BBS9: variants seen among roughly 807,000 people sequenced by gnomAD.
BBS9 encodes the protein Bardet-Biedl syndrome 9, also known as protein PTHB1.
In BBS9, 89 loss-of-function variants were observed where a neutral mutation model predicts 117.7. The observed-to-expected ratio is 0.76, with a 90% CI of 0.64 to 0.90. The LOEUF (loss-of-function observed/expected upper bound fraction) is 0.90. Among genes scored for constraint, BBS9 ranks in the 40% least tolerant of loss-of-function variants. The pLI is 0.00. For missense variants in BBS9, 982 were observed against 1,042.2 expected (o/e 0.94, Z 0.80); for synonymous variants, 379 against 370.9 (o/e 1.02, Z -0.25).
At chr7:33,254,739 G>A (rs530197757) in intron 5 of BBS9, among the ~76,000 whole-genome samples, 7 of 152,198 alleles carry the variant, frequency 4.6e-5, no homozygotes, top group East Asian at 1.9e-4. Flanking sequence ...AATATTACAC[G>A]TATGAGTGAG....
intron 21 of BBS9, among the ~76,000 whole-genome samples, chr7:33,584,414 G>A (rs774698013): frequency 2.0e-5 from 3 of 151,874 alleles, no homozygotes; most frequent in African/African-American, 7.2e-5. Context: ...TAATGCTAAC[G>A]TGAATATTTT....
intron 21 of BBS9, among the ~76,000 whole-genome samples, chr7:33,570,173 A>C (rs949521138): frequency 6.6e-6 from 1 of 152,162 alleles, no homozygotes; most frequent in Non-Finnish European, 1.5e-5. Context: ...AAAATTAAAT[A>C]CTTTAAAAAA....
At chr7:33,292,936 G>A (rs1804372734) in intron 9 of BBS9, among the ~76,000 whole-genome samples, 1 of 151,532 alleles carries the variant, frequency 6.6e-6, no homozygotes, top group Admixed American at 6.6e-5. Context: ...AACCTGGGCG[G>A]CAGAGGTTGC....
At chr7:33,401,776 G>T (rs1440440318) in intron 19 of BBS9, among the ~76,000 whole-genome samples, 1 of 152,134 alleles carries the variant, frequency 6.6e-6, no homozygotes, top group African/African-American at 2.4e-5. Flanking sequence ...ATTCCCAGTT[G>T]ATTCTGTCTA....
intron 5 of BBS9, among the ~76,000 whole-genome samples, chr7:33,224,095 T>A (rs1199219734): frequency 6.6e-6 from 1 of 152,218 alleles, no homozygotes; most frequent in East Asian, 1.9e-4. Context: ...TTTGTATTTT[T>A]AAAATTCTGA....
chr7:33,630,136 T>A (rs1338288751), intron 21 of BBS9, among the ~76,000 whole-genome samples: 1 of 152,186 alleles, frequency 6.6e-6, no homozygotes, highest in East Asian at 1.9e-4. Context: ...TAATTACGTC[T>A]AAAAATCCCT....
At chr7:33,336,700 T>C in intron 10 of BBS9, 78 bp downstream of exon 10, 1 of 1,078,184 alleles carries the variant, frequency 9.3e-7, no homozygotes, top group South Asian at 1.4e-5. Flanking sequence ...TATTATTTTG[T>C]GTATTTGTTA....
intron 21 of BBS9, among the ~76,000 whole-genome samples, chr7:33,618,571 A>G (rs949919375): frequency 3.9e-5 from 6 of 152,078 alleles, no homozygotes; most frequent in Admixed American, 2.0e-4. Flanking sequence ...AATGTAAATT[A>G]TGGCTGGGTA....
chr7:33,516,646 A>G (rs1224869613), intron 20 of BBS9, among the ~76,000 whole-genome samples: 1 of 152,178 alleles, frequency 6.6e-6, no homozygotes, highest in Non-Finnish European at 1.5e-5. Context: ...ATGACTTCCT[A>G]TCTTGGAGTA....
intron 6 of BBS9, 59 bp from the exon 7 acceptor site, chr7:33,264,231 A>C (rs922870208): frequency 7.4e-5 from 66 of 897,870 alleles, no homozygotes; most frequent in Non-Finnish European, 9.7e-5. Context: ...AAAGTTTAAA[A>C]TAATTTATAA....
intron 19 of BBS9, among the ~76,000 whole-genome samples, chr7:33,389,643 C>T (rs963916221): frequency 4.9e-5 from 7 of 143,144 alleles, no homozygotes; most frequent in East Asian, 2.1e-4. Flanking sequence ...GAGCCGAGAT[C>T]GCGCCATTGC....
intron 5 of BBS9, chr7:33,242,871 C>T: frequency 3.9e-6 from 2 of 509,592 alleles, no homozygotes; most frequent in Non-Finnish European, 3.9e-6. Context: ...CTATGCATAA[C>T]ATTCAGTTGG....
At chr7:33,543,000 T>A (rs955484240) in intron 21 of BBS9, among the ~76,000 whole-genome samples, 3 of 152,192 alleles carry the variant, frequency 2.0e-5, no homozygotes, top group Non-Finnish European at 4.4e-5. Context: ...CTGGATCAAA[T>A]GGTAGTTCTA....
At chr7:33,292,133 T>C (rs548505987) in intron 9 of BBS9, among the ~76,000 whole-genome samples, 115 of 152,332 alleles carry the variant, frequency 7.5e-4, no homozygotes, top group Non-Finnish European at 1.5e-3. Context: ...AACAAGTGAC[T>C]CACTTAGAAG....
chr7:33,227,642 C>G (rs1399484977), intron 5 of BBS9, among the ~76,000 whole-genome samples: 1 of 151,972 alleles, frequency 6.6e-6, no homozygotes, highest in Admixed American at 6.6e-5. Flanking sequence ...CCAAAGTCCT[C>G]TATATCATTC....
chr7:33,604,997 A>G, intron 22 of BBS9, 22 bp downstream of exon 22: 2 of 1,573,220 alleles, frequency 1.3e-6, no homozygotes, highest in Non-Finnish European at 1.7e-6. Context: ...GATGGCCTTC[A>G]CAAGCGTTAG....
chr7:33,314,959 A>T (rs746738612), intron 9 of BBS9, among the ~76,000 whole-genome samples: 1 of 152,200 alleles, frequency 6.6e-6, no homozygotes, highest in Non-Finnish European at 1.5e-5. Context: ...TGTGCCAATT[A>T]GCTTTGCTGT....
In BBS9 at chr7:33,146,307, G is replaced by A. The variant is rs774422808; in HGVS notation, c.55G>A (p.Glu19Lys). ...WWSTILGDKEEFDQGCLCLAN... is the reference protein window; with the variant it reads ...WWSTILGDKEKFDQGCLCLAN... ...GTCTACTATTCTGGGAGATAAAGAA[G>A]AATTTGATCAAGGCTGTTTGTGTCT... is the stretch of plus-strand genomic sequence containing the variant. The change falls in exon 2 of 23, where the codon GAA (glutamate) becomes AAA (lysine). Residue 19 changes from glutamate (E) to lysine (K), a missense_variant. Coordinates refer to ENST00000242067, the MANE Select transcript of BBS9 (RefSeq NM_198428.3). The A allele has an allele frequency of 6.2e-7, 1 of 1,614,102 alleles. No homozygotes were observed.
At chr7:33,171,530 A>C (rs1796572685) in intron 4 of BBS9, among the ~76,000 whole-genome samples, 1 of 152,238 alleles carries the variant, frequency 6.6e-6, no homozygotes, top group Admixed American at 6.5e-5. Context: ...TTCTGATTAA[A>C]ACCCTAGAAA....
Sources: allele counts gnomAD v4.1 joint callset (sites outside exome capture counted in the v4.1 genomes callset), GRCh38; gene constraint gnomAD v4.1.1; transcripts MANE v1.5; gene names NCBI Gene and HGNC (gene_info 2026-07-23, HGNC 2026-07-21).